The following RARB variants were observed in gnomAD, a reference collection of about 807,000 sequenced individuals.
RARB encodes retinoic acid receptor beta, also known as HBV-activated protein.
Under a neutral mutation model 51.9 loss-of-function variants are expected in RARB, and 17 were observed. That is an observed-to-expected ratio of 0.33 (90% CI 0.22 to 0.49). The LOEUF (loss-of-function observed/expected upper bound fraction) is 0.49, where lower values mean the gene tolerates loss of function less well. RARB is among the 20% of genes least tolerant of loss of function. The pLI, the probability that RARB is intolerant of heterozygous loss-of-function variation, is 0.99. For synonymous variants in RARB, 215 were observed against 195.4 expected (o/e 1.10, Z -0.84); for missense variants, 369 against 550.8 (o/e 0.67, Z 3.30).
chr3:25,095,917 A>C (rs1183591008), intron 3 of RARB, among the ~76,000 whole-genome samples: 1 of 152,104 alleles, frequency 6.6e-6, no homozygotes, highest in South Asian at 2.1e-4. Context: ...TTAAATCTAC[A>C]TCTTCCAAAC....
rs539566159 is a variant in RARB, at chr3:24,904,280, C to A, written c.-380+45528C>A. On this transcript the variant is annotated intron_variant, in intron 2 of 11. Coordinates refer to the RARB transcript ENST00000383772. The stretch of plus-strand genomic sequence containing the variant: ...TGAGTCCTCTGAGAAACAGACACCA[C>A]GATGGGATTAAATGTGCAAGGATAT... Among the ~76,000 whole-genome samples, 10 of 151,864 alleles carry A rather than the reference C, an allele frequency of 6.6e-5. No individual in the cohort carries two copies. The South Asian group carries it at 1.9e-3, about 28-fold the overall frequency.
At chr3:24,923,824 C>G (rs997519150) in intron 2 of RARB, among the ~76,000 whole-genome samples, 1 of 152,104 alleles carries the variant, frequency 6.6e-6, no homozygotes, top group South Asian at 2.1e-4. Context: ...ATTCCTGTTC[C>G]TAGATTGTGG....
At chr3:25,586,193 AT>A (rs1245196977) in intron 5 of RARB, among the ~76,000 whole-genome samples, 2 of 151,910 alleles carry the variant, frequency 1.3e-5, no homozygotes, top group Non-Finnish European at 2.9e-5. Context: ...TCTTCTCCTC[AT>A]GTTCTTCCTG....
chr3:25,280,440 G>C (rs981589176), intron 5 of RARB, among the ~76,000 whole-genome samples: 5 of 152,168 alleles, frequency 3.3e-5, no homozygotes, highest in Admixed American at 1.3e-4. Context: ...AGCATGTCCT[G>C]AACCCCATCA....
intron 3 of RARB, among the ~76,000 whole-genome samples, chr3:25,111,166 C>T (rs1314487141): frequency 6.6e-6 from 1 of 152,098 alleles, no homozygotes; most frequent in Non-Finnish European, 1.5e-5. Flanking sequence ...TGCAAGTAAT[C>T]AATCCTAATA....
At chr3:25,422,851 G>A (rs1037110855) in intron 5 of RARB, among the ~76,000 whole-genome samples, 1 of 152,140 alleles carries the variant, frequency 6.6e-6, no homozygotes, top group African/African-American at 2.4e-5. Flanking sequence ...TACAGACAAG[G>A]CAATGTAGAA....
At chr3:24,867,570 G>A (rs1202903206) in intron 2 of RARB, among the ~76,000 whole-genome samples, 15 of 152,074 alleles carry the variant, frequency 9.9e-5, no homozygotes, top group Admixed American at 9.8e-4. Flanking sequence ...ACACCTTAAA[G>A]CCCAGTGGAA....
intron 5 of RARB, among the ~76,000 whole-genome samples, chr3:25,240,966 C>G (rs1022091486): frequency 2.0e-5 from 3 of 152,032 alleles, no homozygotes; most frequent in Non-Finnish European, 4.4e-5. Context: ...CTAGGCTTTT[C>G]TTTATTGAGA....
intron 2 of RARB, among the ~76,000 whole-genome samples, chr3:24,983,283 G>GT (rs1696716854): frequency 2.7e-5 from 4 of 148,714 alleles, no homozygotes; most frequent in African/African-American, 7.5e-5. Context: ...ATTTCCTTTT[G>GT]TTTGTTTTTT....
At chr3:25,058,399 C>G (rs1698482933) in intron 2 of RARB, among the ~76,000 whole-genome samples, 1 of 151,750 alleles carries the variant, frequency 6.6e-6, no homozygotes, top group Non-Finnish European at 1.5e-5. Context: ...AATCTAATGA[C>G]TTTTGGTTTT....
At chr3:25,179,233 C>T (rs1700816061) in intron 5 of RARB, among the ~76,000 whole-genome samples, 1 of 152,134 alleles carries the variant, frequency 6.6e-6, no homozygotes, top group South Asian at 2.1e-4. Context: ...TTGTCTAAAG[C>T]AGGGTGTGCT....
At chr3:25,273,435 G>A (rs1168708717) in intron 5 of RARB, among the ~76,000 whole-genome samples, 1 of 152,124 alleles carries the variant, frequency 6.6e-6, no homozygotes, top group African/African-American at 2.4e-5. Context: ...CGGTTATGAC[G>A]AGTTTCTACC....
intron 3 of RARB, among the ~76,000 whole-genome samples, chr3:25,516,585 AT>A: frequency 6.8e-6 from 1 of 146,232 alleles, no homozygotes; most frequent in Non-Finnish European, 1.5e-5. Flanking sequence ...AGAGTAATTT[AT>A]TTGTGAGTTC....
chr3:25,461,736 A>G (rs139230589), intron 2 of RARB, among the ~76,000 whole-genome samples: 132 of 152,326 alleles, frequency 8.7e-4, no homozygotes, highest in African/African-American at 3.0e-3. Context: ...TCTACTAAAA[A>G]TACAAAAATT....
chr3:25,407,860 T>C (rs1444984209), intron 5 of RARB, among the ~76,000 whole-genome samples: 1 of 152,128 alleles, frequency 6.6e-6, no homozygotes, highest in Non-Finnish European at 1.5e-5. Context: ...GATGGGAAGT[T>C]GGTGGATAAA....
chr3:24,908,663 GTTTTTTT>G (rs59008287), intron 2 of RARB, among the ~76,000 whole-genome samples: 1 of 93,462 alleles, frequency 1.1e-5, no homozygotes, highest in Non-Finnish European at 2.0e-5. Context: ...AACCACAACT[GTTTTTTT>G]TTTTTTTTTT....
chr3:25,509,598 C>T (rs542636742), intron 3 of RARB, among the ~76,000 whole-genome samples: 3 of 152,282 alleles, frequency 2.0e-5, no homozygotes, highest in Non-Finnish European at 2.9e-5. Context: ...CTACTTAAAC[C>T]GGGAGCCAGG....
rs143750415 is a variant in RARB, at chr3:25,206,888, T to G, written c.178+32313T>G. 6.2e-3 allele frequency among the ~76,000 whole-genome samples: 951 copies of G among 152,268 alleles called. 17 individuals carry two copies. Among genetic ancestry groups the G allele is most frequent in the East Asian group, 0.03 (154 of 5,180 alleles). On this transcript the variant is annotated intron_variant, in intron 5 of 11. Coordinates refer to the RARB transcript ENST00000383772. ...TGCTAGAATCAATTGTTAGTGCCTC[T>G]CCAGTTGTCAGTCACAGGTGCACCC... is the stretch of plus-strand genomic sequence containing the variant.
intron 5 of RARB, among the ~76,000 whole-genome samples, chr3:25,205,556 C>T (rs557195653): frequency 6.6e-5 from 10 of 152,162 alleles, no homozygotes; most frequent in African/African-American, 2.2e-4. Context: ...CGTATTCGGC[C>T]ATCTTGGAAC....
Sources: allele counts gnomAD v4.1 joint callset (sites outside exome capture counted in the v4.1 genomes callset), GRCh38; gene constraint gnomAD v4.1.1; transcripts MANE v1.5; gene names NCBI Gene and HGNC (gene_info 2026-07-23, HGNC 2026-07-21).